Variants in VPS13B observed in about 807,000 individuals in gnomAD.
The protein encoded by VPS13B is vacuolar protein sorting 13 homolog B.
Under a neutral mutation model 426.4 loss-of-function variants are expected in VPS13B, and 285 were observed. The observed-to-expected ratio is 0.67, with a 90% confidence interval of 0.61 to 0.74. VPS13B has a LOEUF of 0.74. VPS13B is among the 30% of genes least tolerant of loss of function. The pLI, the probability that VPS13B is intolerant of heterozygous loss-of-function variation, is 0.00. For synonymous variants in VPS13B, 1,676 were observed against 1,676.4 expected (o/e 1.00, Z 0.01); for missense variants, 4,537 against 4,782.6 (o/e 0.95, Z 1.51).
At chr8:99,399,026 A>G (rs1814895152) in intron 21 of VPS13B, among the ~76,000 whole-genome samples, 1 of 152,104 alleles carries the variant, frequency 6.6e-6, no homozygotes, top group Non-Finnish European at 1.5e-5. Flanking sequence ...ATATTAAAGC[A>G]TGAAGGTAGA....
rs2132624713 is a variant in VPS13B at position 99,156,748 on chromosome 8, GA to G, written c.2208+9del. On this transcript the variant is annotated splice_donor_region_variant and intron_variant, in intron 15 of 61. Transcript: ENST00000357162. ...TATGTACACTGCTATCTTAAGGTAT[GA>G]AAAGTGAATTTTCTTGTTTGTTAGC... The G allele has an allele frequency of 1.2e-6, 2 of 1,613,818 alleles. No individual in the cohort carries two copies. The highest frequency in any genetic ancestry group is 1.7e-6 in the Non-Finnish European group (2 of 1,179,830).
rs765599988 is a variant in VPS13B at position 99,575,661 on chromosome 8, A to G, written c.4953A>G (p.Ile1651Met). 6.2e-7 allele frequency: 1 copy of G among 1,613,904 alleles called. No individual in the cohort carries two copies. The highest frequency in any genetic ancestry group is 1.1e-5 in the South Asian group (1 of 91,076). ...PALEWNMASS[I>M]RRHQERRAIL... ...AATCTTTTACTCTATCTTTTAGCAT[A>G]CGGCGGCATCAAGAAAGGAGAGCAA... The change falls in exon 32 of 62, where the codon ATA becomes ATG. Residue 1651 changes from isoleucine to methionine, a missense_variant. Coordinates refer to ENST00000357162, the MANE Select transcript of VPS13B (RefSeq NM_152564.5).
chr8:99,467,463 C>A lies in VPS13B; in HGVS notation c.3495C>A (p.Thr1165=). ...GCTTGCATAATTTCAGCATATATAC[C>A]CTTCTTGGAAAACAAGTGACACTTT... ...TISLHNFSIY[T]LLGKQVTLCL... The change falls in exon 24 of 62, where the codon ACC becomes ACA. Residue 1165 remains threonine (T), a synonymous_variant. Coordinates refer to ENST00000357162, the MANE Select transcript of VPS13B (RefSeq NM_152564.5). 1 of 1,613,586 alleles carries A rather than the reference C, an allele frequency of 6.2e-7. No individual in the cohort carries two copies. Among genetic ancestry groups the A allele is most frequent in the East Asian group, 2.2e-5 (1 of 44,852 alleles).
chr8:99,270,157 T>TTTTTTA (rs1491533254), intron 17 of VPS13B, among the ~76,000 whole-genome samples: 1 of 133,676 alleles, frequency 7.5e-6, no homozygotes, highest in African/African-American at 2.9e-5. Context: ...TTTTTTTTTT[T>TTTTTTA]GAGACAGAGT....
At chr8:99,548,593 T>C (rs1824112955) in intron 30 of VPS13B, among the ~76,000 whole-genome samples, 1 of 152,018 alleles carries the variant, frequency 6.6e-6, no homozygotes, top group African/African-American at 2.4e-5. Context: ...TGAATATGTT[T>C]TCTTAATTTC....
intron 7 of VPS13B, among the ~76,000 whole-genome samples, chr8:99,120,839 G>A (rs1179586196): frequency 6.6e-6 from 1 of 151,998 alleles, no homozygotes. Flanking sequence ...TGAGAGGTAG[G>A]TTTTTTGTTG....
intron 15 of VPS13B, among the ~76,000 whole-genome samples, chr8:99,156,975 T>C (rs1231379417): frequency 6.6e-6 from 1 of 152,216 alleles, no homozygotes; most frequent in East Asian, 1.9e-4. Context: ...TATAAATGAA[T>C]GGTTAATCAT....
chr8:99,273,813 AAAT>A (rs2132993349), intron 17 of VPS13B, among the ~76,000 whole-genome samples: 1 of 152,248 alleles, frequency 6.6e-6, no homozygotes, highest in South Asian at 2.1e-4. Flanking sequence ...AAAAAATAAA[AAAT>A]AAAGTCTTCG....
At chr8:99,658,106 G>T (rs1830086761) in intron 34 of VPS13B, among the ~76,000 whole-genome samples, 1 of 151,900 alleles carries the variant, frequency 6.6e-6, no homozygotes, top group Admixed American at 6.6e-5. Flanking sequence ...AACAGCTAAA[G>T]GTAAAACCAA....
At chr8:99,749,401 C>T (rs577815490) in intron 39 of VPS13B, among the ~76,000 whole-genome samples, 1 of 152,116 alleles carries the variant, frequency 6.6e-6, no homozygotes, top group Admixed American at 6.6e-5. Context: ...AATACTCTTC[C>T]TAGCCTCTGG....
intron 33 of VPS13B, among the ~76,000 whole-genome samples, chr8:99,634,676 G>A (rs912857591): frequency 5.9e-5 from 9 of 151,694 alleles, no homozygotes; most frequent in African/African-American, 2.2e-4. Context: ...TCTAGCTCTG[G>A]GTATCTGTAG....
At chr8:99,507,869 C>A (rs1821583275) in intron 28 of VPS13B, 1 of 1,613,976 alleles carries the variant, frequency 6.2e-7, no homozygotes, top group Admixed American at 1.7e-5. Context: ...GACCCATCAG[C>A]AAGCAGGACC....
chr8:99,736,308 C>G (rs1449450528), intron 39 of VPS13B, among the ~76,000 whole-genome samples: 1 of 152,150 alleles, frequency 6.6e-6, no homozygotes, highest in Non-Finnish European at 1.5e-5. Flanking sequence ...CGCGGTGGCT[C>G]TCGCCTGTAA....
chr8:99,637,175 A>G (rs1829105385), intron 33 of VPS13B, among the ~76,000 whole-genome samples: 1 of 152,014 alleles, frequency 6.6e-6, no homozygotes, highest in African/African-American at 2.4e-5. Flanking sequence ...GGAATAGTAA[A>G]TTGATGCCCA....
chr8:99,622,394 T>G (rs1457100014), intron 33 of VPS13B, among the ~76,000 whole-genome samples: 1 of 152,174 alleles, frequency 6.6e-6, no homozygotes, highest in Non-Finnish European at 1.5e-5. Flanking sequence ...GGACAAGAAG[T>G]TATGAGCATA....
Position 99,575,725 on chromosome 8 carries a change from A to T in VPS13B, c.5017A>T (p.Thr1673Ser). ...TTTGACAGATTTTTCTGTCCGAATAACTGGAGCACCTGCTGTCATTTTCAC... is the reference window on the plus strand; with the variant it reads ...TTTGACAGATTTTTCTGTCCGAATATCTGGAGCACCTGCTGTCATTTTCAC... ...PVLTDFSVRI[T>S]GAPAVIFTKV... The change falls in exon 32 of 62, where the codon ACT becomes TCT. Residue 1673 changes from threonine (T) to serine (S), a missense_variant. Thr to Ser is a moderately conservative substitution (Grantham distance 58). Transcript: ENST00000357162. 6.2e-7 allele frequency: 1 copy of T among 1,613,874 alleles called. No homozygotes were observed. The highest frequency in any genetic ancestry group is 1.3e-5 in the African/African-American group (1 of 75,034).
chr8:99,625,035 G>A (rs576403049), intron 33 of VPS13B, among the ~76,000 whole-genome samples: 24 of 152,094 alleles, frequency 1.6e-4, no homozygotes, highest in African/African-American at 5.3e-4. Context: ...ATGTTGGTCA[G>A]GCTGGTCTCG....
At chr8:99,756,142 A>G (rs77113145) in intron 39 of VPS13B, among the ~76,000 whole-genome samples, 8,156 of 152,246 alleles carry the variant, frequency 0.054, 342 homozygotes, top group Middle Eastern at 0.075. Flanking sequence ...GAATATTAAT[A>G]ATGAGATTGA....
chr8:99,277,434 T>C (rs1818956039), intron 19 of VPS13B, among the ~76,000 whole-genome samples: 2 of 152,178 alleles, frequency 1.3e-5, no homozygotes, highest in Admixed American at 1.3e-4. Context: ...ATGCCAGTTT[T>C]AAAATAATTT....
Sources: allele counts gnomAD v4.1 joint callset (sites outside exome capture counted in the v4.1 genomes callset), GRCh38; gene constraint gnomAD v4.1.1; transcripts MANE v1.5; gene names NCBI Gene and HGNC (gene_info 2026-07-23, HGNC 2026-07-21).